The following MYO5B variants were observed in gnomAD, a reference collection of about 807,000 sequenced individuals.
The protein encoded by MYO5B is unconventional myosin-Vb.
MYO5B carries 143 observed loss-of-function variants against 229.3 expected under a neutral mutation model. That is an observed-to-expected ratio of 0.62 (90% CI 0.54 to 0.72). The LOEUF is 0.72. MYO5B is among the 30% of genes least tolerant of loss of function. The pLI is 0.00. For synonymous variants in MYO5B, 918 were observed against 885.2 expected, an observed-to-expected ratio of 1.04 and a Z score of -0.66; for missense variants, 2,321 against 2,331.0, an observed-to-expected ratio of 1.00 and a Z score of 0.09.
intron 29 of MYO5B, among the ~76,000 whole-genome samples, chr18:49,861,842 C>T (rs184736415): frequency 5.4e-4 from 82 of 152,290 alleles, no homozygotes; most frequent in African/African-American, 1.9e-3. Flanking sequence ...CTGTGACATT[C>T]TTGCAAAAAA....
intron 22 of MYO5B, among the ~76,000 whole-genome samples, chr18:49,890,912 A>G (rs2024705407): frequency 6.6e-6 from 1 of 152,236 alleles, no homozygotes; most frequent in Non-Finnish European, 1.5e-5. Context: ...CTTGGATAGT[A>G]AGACAACTTT....
chr18:49,937,887 G>A (rs2144214158), intron 14 of MYO5B, among the ~76,000 whole-genome samples: 1 of 152,206 alleles, frequency 6.6e-6, no homozygotes, highest in East Asian at 1.9e-4. Flanking sequence ...ATTTCTTTTT[G>A]GAGTAATAAA....
At position 49,847,159 on chromosome 18, in the gene MYO5B, C is replaced by G. The variant is rs2024139522; in HGVS notation, c.4446G>C (p.Arg1482=). ...YHKEDEALLI[R]NLVTDLKPQM... ...GAGGGTCCTTACCTGTCACCAGGTT[C>G]CGGATGAGGAGGGCCTCGTCCTCTT... The change falls in exon 33 of 40, where the codon CGG becomes CGC. Residue 1482 remains arginine (R), a synonymous_variant. Transcript: ENST00000285039. The G allele has an allele frequency of 6.2e-7, 1 of 1,613,988 alleles. No individual in the cohort carries two copies. The highest frequency in any genetic ancestry group is 8.5e-7 in the Non-Finnish European group (1 of 1,180,022).
intron 1 of MYO5B, among the ~76,000 whole-genome samples, chr18:50,149,282 G>T (rs1300885558): frequency 3.3e-5 from 5 of 149,926 alleles, no homozygotes; most frequent in African/African-American, 1.2e-4. Flanking sequence ...CAGATTCAAT[G>T]CCATCCCCAT....
In MYO5B at chr18:50,059,817, T is replaced by G. The variant is rs372514223; in HGVS notation, c.28-4439A>C. ...ATCCATACTGCATATAATGAGAAATTTATAGATCTTCCAAGGGTAATTTTA... is the reference window on the plus strand; with the variant it reads ...ATCCATACTGCATATAATGAGAAATGTATAGATCTTCCAAGGGTAATTTTA... On this transcript the variant is annotated intron_variant, in intron 1 of 39. Transcript: ENST00000285039. 7.9e-5 allele frequency among the ~76,000 whole-genome samples: 12 copies of G among 152,304 alleles called. No homozygotes were observed. The South Asian group carries it at 1.4e-3, about 18-fold the overall frequency.
intron 29 of MYO5B, among the ~76,000 whole-genome samples, chr18:49,862,855 A>G (rs570822127): frequency 6.6e-6 from 1 of 152,078 alleles, no homozygotes; most frequent in South Asian, 2.1e-4. Context: ...AGGGCATTGC[A>G]GCAGATGGCT....
intron 1 of MYO5B, among the ~76,000 whole-genome samples, chr18:50,135,013 T>C (rs2032314347): frequency 1.3e-5 from 2 of 152,210 alleles, no homozygotes; most frequent in East Asian, 1.9e-4. Context: ...TCTGCCTGAT[T>C]GTAATAAGTG....
At position 50,194,583 on chromosome 18, in the gene MYO5B, C is replaced by A. The variant is rs369715700; in HGVS notation, c.27+184G>T. On this transcript the variant is annotated intron_variant, in intron 1 of 39. Coordinates refer to ENST00000285039, the MANE Select transcript of MYO5B (RefSeq NM_001080467.3). Reference sequence around the variant, plus strand: ...CGGTCAGTGCGGGCGTTCCCGGAACCGCCAAACTTTCTCCGCCAACCGAAG... The same window carrying A: ...CGGTCAGTGCGGGCGTTCCCGGAACAGCCAAACTTTCTCCGCCAACCGAAG... Among the ~76,000 whole-genome samples the A allele has an allele frequency of 8.5e-5, 13 of 152,298 alleles. No individual in the cohort carries two copies. The East Asian group carries it at 2.5e-3, about 30-fold the overall frequency.
intron 12 of MYO5B, among the ~76,000 whole-genome samples, chr18:49,957,866 C>T (rs979805996): frequency 6.6e-6 from 1 of 151,976 alleles, no homozygotes; most frequent in Non-Finnish European, 1.5e-5. Flanking sequence ...ACCTCTGGAT[C>T]CCCAGCCTCT....
In MYO5B at chr18:50,145,069, T is replaced by A. The variant is rs74372330; in HGVS notation, c.27+49698A>T. Reference sequence around the variant, plus strand: ...TCAGTGCTTCCCTTCAGGAGAAACATTCTGCCTGGAATTTTCATGCCTTTT... The same window carrying A: ...TCAGTGCTTCCCTTCAGGAGAAACAATCTGCCTGGAATTTTCATGCCTTTT... On this transcript the variant is annotated intron_variant, in intron 1 of 39. Coordinates refer to ENST00000285039, the MANE Select transcript of MYO5B (RefSeq NM_001080467.3). Among the ~76,000 whole-genome samples the A allele has an allele frequency of 2.9e-3, 435 of 152,264 alleles. 2 individuals are homozygous for A. The highest frequency in any genetic ancestry group is 1.0e-2 in the African/African-American group (414 of 41,540).
chr18:49,956,713 G>A (rs555626915), intron 12 of MYO5B, among the ~76,000 whole-genome samples: 16 of 152,230 alleles, frequency 1.1e-4, no homozygotes, highest in Admixed American at 2.6e-4. Flanking sequence ...TCAAAGCAAC[G>A]CAGAGAGACC....
intron 4 of MYO5B, among the ~76,000 whole-genome samples, chr18:50,018,547 A>ACAGAAAGT (rs1216621153): frequency 2.0e-5 from 3 of 152,212 alleles, no homozygotes; most frequent in African/African-American, 7.2e-5. Context: ...ACTCTCATAT[A>ACAGAAAGT]GCATCTTCCG....
At chr18:49,866,264 T>C (rs2024395247) in intron 27 of MYO5B, among the ~76,000 whole-genome samples, 2 of 151,484 alleles carry the variant, frequency 1.3e-5, no homozygotes, top group Admixed American at 6.6e-5. Context: ...AGAGATGGGG[T>C]TTCACCATGT....
chr18:50,065,680 G>A (rs934085648), intron 1 of MYO5B, among the ~76,000 whole-genome samples: 5 of 152,204 alleles, frequency 3.3e-5, no homozygotes, highest in Middle Eastern at 6.8e-3. Flanking sequence ...ATATCACAGG[G>A]CCCTTCAAGG....
intron 1 of MYO5B, among the ~76,000 whole-genome samples, chr18:50,167,250 T>C (rs2032865177): frequency 6.6e-6 from 1 of 152,220 alleles, no homozygotes; most frequent in South Asian, 2.1e-4. Context: ...ACTTGAAAAC[T>C]CAAAGGATAT....
chr18:49,868,213 A>G (rs1344543911), intron 27 of MYO5B, among the ~76,000 whole-genome samples: 3 of 152,200 alleles, frequency 2.0e-5, no homozygotes, highest in Non-Finnish European at 4.4e-5. Flanking sequence ...TTTTTTAAAA[A>G]TTCTCTAGAT....
chr18:50,183,696 T>C (rs75557477), intron 1 of MYO5B, among the ~76,000 whole-genome samples: 3,693 of 151,950 alleles, frequency 0.024, 148 homozygotes, highest in African/African-American at 0.084. Flanking sequence ...ATATGAATCA[T>C]TTGTCCTCAA....
At chr18:49,976,617 T>C (rs1162401044) in intron 9 of MYO5B, among the ~76,000 whole-genome samples, 2 of 152,202 alleles carry the variant, frequency 1.3e-5, no homozygotes, top group Admixed American at 1.3e-4. Flanking sequence ...CGATGTCCCT[T>C]ACTATTCAGA....
Position 50,194,772 on chromosome 18 carries a change from T to C in MYO5B, c.22A>G (p.Ser8Gly). The change falls in exon 1 of 40, where the codon AGC becomes GGC. Residue 8 changes from serine to glycine, a missense_variant. Transcript: ENST00000285039. ...TCCCTCGCGGCCGCGCTCACCTGGC[T>C]GTAGAGCTCGCCCACCGACATGGCC... Reference protein sequence around the residue: MSVGELYSQCTRVWIPDP... With the variant: MSVGELYGQCTRVWIPDP... The C allele has an allele frequency of 6.8e-7, 1 of 1,467,762 alleles. No individual in the cohort carries two copies. Among genetic ancestry groups the C allele is most frequent in the South Asian group, 1.3e-5 (1 of 77,162 alleles). The allele number at this position is 1,467,762 out of a possible 1,614,324, so 90.9% of individuals were successfully genotyped here.
Sources: allele counts gnomAD v4.1 joint callset (sites outside exome capture counted in the v4.1 genomes callset), GRCh38; gene constraint gnomAD v4.1.1; transcripts MANE v1.5; gene names NCBI Gene and HGNC (gene_info 2026-07-23, HGNC 2026-07-21).